The following PRKAR1A variants were observed in gnomAD, a reference collection of about 807,000 sequenced individuals.
PRKAR1A encodes the protein protein kinase cAMP-dependent type I regulatory subunit alpha.
Under a neutral mutation model 52.0 loss-of-function variants are expected in PRKAR1A, and 3 were observed. That is an observed-to-expected ratio of 0.06 (90% CI 0.03 to 0.15). The LOEUF is 0.15. PRKAR1A is among the 10% of genes least tolerant of loss of function. The pLI is 1.00. For synonymous variants in PRKAR1A, 188 were observed against 168.4 expected, an observed-to-expected ratio of 1.12 and a Z score of -0.90; for missense variants, 240 against 477.4, an observed-to-expected ratio of 0.50 and a Z score of 4.63.
chr17:68,475,117 G>A, the PRKAR1A span, among the ~76,000 whole-genome samples: 9 of 152,222 alleles, frequency 5.9e-5, no homozygotes, highest in Non-Finnish European at 8.8e-5. Context: ...ATCTCTTAGT[G>A]GATTGATATG....
At chr17:68,436,206 G>T in the PRKAR1A span, among the ~76,000 whole-genome samples, 29 of 152,286 alleles carry the variant, frequency 1.9e-4, 1 homozygote, top group African/African-American at 7.0e-4. Context: ...CTTATGGTGA[G>T]GTTGACTCAC....
At chr17:68,512,892 C>T (rs1050814188) in intron 1 of PRKAR1A, 1 of 152,358 alleles carries the variant, frequency 6.6e-6, no homozygotes, top group Admixed American at 6.5e-5. Flanking sequence ...TTCGCTCACC[C>T]TCCCCCATTT....
chr17:68,540,108 T>C (rs2086222455), intron 11 of PRKAR1A: 2 of 738,300 alleles, frequency 2.7e-6, no homozygotes, highest in African/African-American at 3.5e-5. Flanking sequence ...CACTGTCATT[T>C]CCTCAGGGCC....
intron 11 of PRKAR1A, chr17:68,541,270 C>T: frequency 2.6e-6 from 1 of 391,568 alleles, no homozygotes; most frequent in Non-Finnish European, 4.9e-6. Flanking sequence ...CCTCGTCCCT[C>T]CACAGTCCCT....
intron 11 of PRKAR1A, among the ~76,000 whole-genome samples, chr17:68,546,918 A>G (rs985628738): frequency 3.2e-4 from 48 of 151,934 alleles, no homozygotes; most frequent in African/African-American, 1.1e-3. Flanking sequence ...GTTAGCAGGC[A>G]TGAAAACAAC....
At chr17:68,547,628 C>A (rs1349987209) in intron 11 of PRKAR1A, among the ~76,000 whole-genome samples, 2 of 152,236 alleles carry the variant, frequency 1.3e-5, no homozygotes, top group African/African-American at 4.8e-5. Context: ...AAGTTTTCTT[C>A]TGCAGCTTTC....
the PRKAR1A span, among the ~76,000 whole-genome samples, chr17:68,479,137 C>T: frequency 6.6e-6 from 1 of 152,338 alleles, no homozygotes; most frequent in African/African-American, 2.4e-5. Context: ...TTAGTTTCTA[C>T]ATTGTTCTTA....
chr17:68,495,097 GA>G, the PRKAR1A span, among the ~76,000 whole-genome samples: 5 of 152,094 alleles, frequency 3.3e-5, no homozygotes, highest in Admixed American at 2.0e-4. Context: ...CTCGAGTGTA[GA>G]ATATTTTAGC....
At chr17:68,501,763 C>T in the PRKAR1A span, among the ~76,000 whole-genome samples, 2,805 of 152,272 alleles carry the variant, frequency 0.018, 81 homozygotes, top group African/African-American at 0.063. Context: ...CAGAACTCAG[C>T]TCTCTTAAAC....
chr17:68,421,067 A>T, the PRKAR1A span: 3 of 155,004 alleles, frequency 1.9e-5, no homozygotes, highest in East Asian at 5.8e-4. Context: ...GAAATCCTAC[A>T]TTTCTATCAA....
the PRKAR1A span, chr17:68,420,181 C>A: frequency 6.2e-7 from 1 of 1,613,226 alleles, no homozygotes; most frequent in South Asian, 1.1e-5. Flanking sequence ...TTGTCATTCC[C>A]TCTCTAGGTG....
At chr17:68,470,185 T>C in the PRKAR1A span, among the ~76,000 whole-genome samples, 7 of 151,476 alleles carry the variant, frequency 4.6e-5, no homozygotes, top group Non-Finnish European at 1.0e-4. Context: ...CAGGTTCAAG[T>C]GATTCTCCTG....
chr17:68,450,875 G>A, the PRKAR1A span: 14 of 1,613,056 alleles, frequency 8.7e-6, no homozygotes, highest in East Asian at 4.5e-5. Flanking sequence ...GGCGCTCCAC[G>A]ATGTAGACGT....
intron 2 of PRKAR1A, among the ~76,000 whole-genome samples, chr17:68,520,385 C>T (rs1178851148): frequency 6.6e-6 from 1 of 152,082 alleles, no homozygotes; most frequent in Admixed American, 6.5e-5. Flanking sequence ...AATGCAAAAC[C>T]GAATGCAGAA....
chr17:68,431,891 G>A, the PRKAR1A span, among the ~76,000 whole-genome samples: 19 of 152,192 alleles, frequency 1.2e-4, no homozygotes, highest in East Asian at 1.7e-3. Context: ...CAGTGGAGGC[G>A]GGGCTGCAGC....
At chr17:68,496,455 C>CGGCCA in the PRKAR1A span, among the ~76,000 whole-genome samples, 1 of 152,160 alleles carries the variant, frequency 6.6e-6, no homozygotes, top group Non-Finnish European at 1.5e-5. Context: ...GTGATTACAC[C>CGGCCA]GGCCACGTCC....
the PRKAR1A span, among the ~76,000 whole-genome samples, chr17:68,425,736 A>G: frequency 1.8e-4 from 28 of 152,216 alleles, no homozygotes; most frequent in African/African-American, 6.7e-4. Context: ...TAAGTTTTAG[A>G]CAAGTCACGT....
the PRKAR1A span, among the ~76,000 whole-genome samples, chr17:68,469,999 C>T: frequency 6.6e-6 from 1 of 151,942 alleles, no homozygotes; most frequent in Non-Finnish European, 1.5e-5. Context: ...TTCAACGTAT[C>T]ATATCACAAC....
chr17:68,417,361 C>A, the PRKAR1A span, among the ~76,000 whole-genome samples: 12 of 152,130 alleles, frequency 7.9e-5, no homozygotes, highest in African/African-American at 2.9e-4. Context: ...TTACTTTTCT[C>A]CTACCCCTTT....
Sources: gnomAD v4.1 joint callset for allele counts (sites outside exome capture counted in the v4.1 genomes callset) on GRCh38, gnomAD v4.1.1 for gene constraint, MANE v1.5 for transcripts, NCBI Gene and HGNC (gene_info 2026-07-23, HGNC 2026-07-21) for gene names.